Variants in RB1CC1 observed in about 807,000 individuals in gnomAD.
RB1CC1 encodes the protein RB1 inducible coiled-coil 1, also known as RB1-inducible coiled-coil protein 1.
In RB1CC1, 46 loss-of-function variants were observed where a neutral mutation model predicts 177.5. The ratio of observed to expected loss-of-function variants is 0.26; its 90% CI spans 0.20 to 0.33. The LOEUF (loss-of-function observed/expected upper bound fraction) is 0.33, where lower values mean the gene tolerates loss of function less well. Ranked by LOEUF, RB1CC1 falls within the 10% of genes least tolerant of loss-of-function variation. RB1CC1 has a pLI of 1.00. For missense variants in RB1CC1, 1,703 were observed against 1,816.3 expected (o/e 0.94, Z 1.13); for synonymous variants, 666 against 613.6 (o/e 1.09, Z -1.26).
At chr8:52,660,166 C>T (rs1037925108) in intron 12 of RB1CC1, among the ~76,000 whole-genome samples, 2 of 151,838 alleles carry the variant, frequency 1.3e-5, no homozygotes, top group Non-Finnish European at 2.9e-5. Context: ...CTAACTGAGG[C>T]TTTATTATTC....
chr8:52,676,459 G>A lies in RB1CC1; in HGVS notation c.482C>T (p.Ser161Leu). The A allele has an allele frequency of 1.2e-6, 2 of 1,613,460 alleles. No homozygotes were observed. The highest frequency in any genetic ancestry group is 1.7e-6 in the Non-Finnish European group (2 of 1,179,570). ...GAAAAGTAGCTTTTGGTATGAATTT[G>A]AACAGTCCTCCAGGTTGGCCATGAT... ...AAIMANLEDC[S>L]NSYQKLLFKF... Residue 161 changes from serine to leucine, a missense_variant, in exon 6 of 24, where the codon TCA becomes TTA. By Grantham distance (145) the Ser-to-Leu change is moderately radical. Coordinates refer to ENST00000025008, the MANE Select transcript of RB1CC1 (RefSeq NM_014781.5).
At chr8:52,681,028 G>A (rs1853667280) in intron 5 of RB1CC1, among the ~76,000 whole-genome samples, 1 of 140,434 alleles carries the variant, frequency 7.1e-6, no homozygotes, top group Non-Finnish European at 1.5e-5. Flanking sequence ...GTCTCACTCT[G>A]TCACACAGGC....
Position 52,623,743 on chromosome 8 carries a change from G to T in RB1CC1, c.*39C>A. On this transcript the variant is annotated 3_prime_UTR_variant, in exon 24 of 24. Transcript: ENST00000025008. ...TGAATGAGCACTGCAGGACAAATCA[G>T]AAAAAAATGTCATAGAATGTATTAA... is the stretch of plus-strand genomic sequence containing the variant. 1 of 1,479,148 alleles carries T rather than the reference G, an allele frequency of 6.8e-7. No homozygotes were observed. Among genetic ancestry groups the T allele is most frequent in the Non-Finnish European group, 9.4e-7 (1 of 1,059,388 alleles). The allele number at this position is 1,479,148 out of a possible 1,614,324, so 91.6% of individuals were successfully genotyped here. A position where few individuals can be genotyped will look rare whatever the true frequency, so the allele number is the denominator to read the frequency against.
intron 13 of RB1CC1, among the ~76,000 whole-genome samples, chr8:52,658,603 T>C (rs997197016): frequency 8.8e-6 from 1 of 113,520 alleles, no homozygotes; most frequent in Non-Finnish European, 1.9e-5. Context: ...AAAAAAAAAG[T>C]AAAAAGTCAG....
In RB1CC1 at chr8:52,658,096, G is replaced by C. The variant is rs1404227803; in HGVS notation, c.1822C>G (p.Leu608Val). 2 of 1,612,932 alleles carry C rather than the reference G, an allele frequency of 1.2e-6. No individual in the cohort carries two copies. Among genetic ancestry groups the C allele is most frequent in the Non-Finnish European group, 1.7e-6 (2 of 1,179,752 alleles). ...TGTAGAGCAAGTACATGCTGGTGTA[G>C]AGGTTCAAAGTCACAAAGTAAGGGA... ...RVPLLCDFEP[L>V]HQHVLALHNL... Residue 608 changes from leucine to valine, a missense_variant, in exon 14 of 24, where the codon CTA (leucine) becomes GTA (valine). Physicochemically the swap from Leu to Val is conservative, Grantham distance 32. Transcript: ENST00000025008.
At chr8:52,701,501 G>C (rs917980948) in intron 1 of RB1CC1, among the ~76,000 whole-genome samples, 1 of 152,156 alleles carries the variant, frequency 6.6e-6, no homozygotes, top group African/African-American at 2.4e-5. Context: ...CTCTGATCCA[G>C]TCAAAACAAG....
rs5891475 is a variant in RB1CC1, at chr8:52,623,204, CT to C, written c.*577del. ...AAATCAGTCAATCAAATTACAGTTCCTTTTTTTTTTTGAAACATCAAAGGGC... is the reference window on the plus strand; with the variant it reads ...AAATCAGTCAATCAAATTACAGTTCCTTTTTTTTTTGAAACATCAAAGGGC... On this transcript the variant is annotated 3_prime_UTR_variant, in exon 24 of 24. Coordinates refer to ENST00000025008, the MANE Select transcript of RB1CC1 (RefSeq NM_014781.5). 206 of 148,492 alleles carry C rather than the reference CT, an allele frequency of 1.4e-3. No individual in the cohort carries two copies. Among genetic ancestry groups the C allele is most frequent in the South Asian group, 2.5e-3 (12 of 4,894 alleles). 9.2% of individuals were successfully genotyped at this position (148,492 alleles called of 1,614,324 possible). A position where few individuals can be genotyped will look rare whatever the true frequency, so the allele number is the denominator to read the frequency against.
In RB1CC1 at chr8:52,707,994, C is replaced by T. The variant is rs1856728545; in HGVS notation, c.-167+6081G>A. 2.0e-5 allele frequency among the ~76,000 whole-genome samples: 3 copies of T among 152,294 alleles called. 1 individual carries two copies. In the South Asian group the frequency reaches 6.2e-4, roughly 32 times the overall value. Reference sequence around the variant, plus strand: ...AGATGAGAAGGATAGCAATAATGTACTTCAGAGTCCTTTACGGTGCTAGGA... The same window carrying T: ...AGATGAGAAGGATAGCAATAATGTATTTCAGAGTCCTTTACGGTGCTAGGA... On this transcript the variant is annotated intron_variant, in intron 1 of 23. Coordinates refer to ENST00000025008, the MANE Select transcript of RB1CC1 (RefSeq NM_014781.5).
At chr8:52,644,130 T>C (rs1207857861) in intron 16 of RB1CC1, among the ~76,000 whole-genome samples, 1 of 152,140 alleles carries the variant, frequency 6.6e-6, no homozygotes, top group Non-Finnish European at 1.5e-5. Context: ...GAAATGAATT[T>C]TTAGGAAGAT....
chr8:52,688,962 T>C (rs1854559656), intron 1 of RB1CC1, among the ~76,000 whole-genome samples: 1 of 152,184 alleles, frequency 6.6e-6, no homozygotes, highest in Admixed American at 6.5e-5. Context: ...ATGTGGTACT[T>C]GGCAGATAAG....
intron 1 of RB1CC1, among the ~76,000 whole-genome samples, chr8:52,690,277 G>A (rs1263980613): frequency 6.6e-6 from 1 of 152,208 alleles, no homozygotes; most frequent in Non-Finnish European, 1.5e-5. Context: ...GCTAAGGGAT[G>A]CTGACTAAAG....
chr8:52,629,589 T>G (rs546377540), intron 21 of RB1CC1, among the ~76,000 whole-genome samples: 1 of 152,284 alleles, frequency 6.6e-6, no homozygotes, highest in African/African-American at 2.4e-5. Flanking sequence ...CTCTTCCCTC[T>G]TAGAATTCAG....
chr8:52,661,251 A>C lies in RB1CC1; in HGVS notation c.1389T>G (p.Asp463Glu). ...KWCCFVMLHA[D>E]QDGEKLQALL... Reference sequence around the variant, plus strand: ...AAGCTTGTAACTTCTCTCCATCTTGATCAGCATGAAGCATTACAAAGCAAC... The same window carrying C: ...AAGCTTGTAACTTCTCTCCATCTTGCTCAGCATGAAGCATTACAAAGCAAC... Residue 463 changes from aspartate (D) to glutamate (E), a missense_variant, in exon 10 of 24, where the codon GAT (aspartate) becomes GAG (glutamate). Physicochemically the swap from Asp to Glu is conservative, Grantham distance 45 (BLOSUM62 2). This residue lies in a region of RB1CC1 where 1,169 missense variants were observed against 1,184.7 expected (regional missense o/e 0.99). Coordinates refer to ENST00000025008, the MANE Select transcript of RB1CC1 (RefSeq NM_014781.5). The C allele has an allele frequency of 6.2e-7, 1 of 1,613,790 alleles. No homozygotes were observed. The highest frequency in any genetic ancestry group is 1.1e-5 in the South Asian group (1 of 91,044).
intron 16 of RB1CC1, among the ~76,000 whole-genome samples, chr8:52,645,090 T>C (rs1050733623): frequency 6.6e-6 from 1 of 152,200 alleles, no homozygotes; most frequent in Non-Finnish European, 1.5e-5. Flanking sequence ...ACAAGGCATC[T>C]GGTTTTTTAT....
intron 18 of RB1CC1, among the ~76,000 whole-genome samples, chr8:52,641,256 C>T (rs138423386): frequency 0.03 from 4,526 of 151,588 alleles, 244 homozygotes; most frequent in African/African-American, 0.1. Context: ...TGGTGGCAGG[C>T]GCCTGTAATC....
chr8:52,700,418 G>C (rs1855946374), intron 1 of RB1CC1, among the ~76,000 whole-genome samples: 1 of 151,592 alleles, frequency 6.6e-6, no homozygotes, highest in African/African-American at 2.4e-5. Context: ...AGTTATGGGG[G>C]GGTGGGGTGG....
At chr8:52,675,266 GA>G (rs1852990027) in intron 6 of RB1CC1, among the ~76,000 whole-genome samples, 1 of 151,838 alleles carries the variant, frequency 6.6e-6, no homozygotes, top group South Asian at 2.1e-4. Flanking sequence ...AGAGAAATCT[GA>G]ATTTAAAAGG....
chr8:52,673,035 T>A (rs1852752325), intron 7 of RB1CC1, among the ~76,000 whole-genome samples: 1 of 152,224 alleles, frequency 6.6e-6, no homozygotes, highest in African/African-American at 2.4e-5. Context: ...TACTATATCC[T>A]ATAACTTTAA....
At chr8:52,637,882 G>A (rs1269525042) in intron 18 of RB1CC1, among the ~76,000 whole-genome samples, 1 of 152,030 alleles carries the variant, frequency 6.6e-6, no homozygotes, top group Non-Finnish European at 1.5e-5. Context: ...TGTTGGCCAG[G>A]CTGATCTTGA....
Sources: allele counts gnomAD v4.1 joint callset (sites outside exome capture counted in the v4.1 genomes callset), GRCh38; gene constraint gnomAD v4.1.1; regional missense constraint gnomAD v4.1.1; transcripts MANE v1.5; gene names NCBI Gene and HGNC (gene_info 2026-07-23, HGNC 2026-07-21).